IL20RA: variants seen among roughly 807,000 people sequenced by gnomAD.
IL20RA encodes interleukin-20 receptor subunit alpha.
Under a neutral mutation model 36.5 loss-of-function variants are expected in IL20RA, and 29 were observed. That is an observed-to-expected ratio of 0.79 (90% CI 0.59 to 1.08). The LOEUF is 1.08. IL20RA is among the 50% of genes least tolerant of loss of function. The pLI is 0.00. For synonymous variants in IL20RA, 279 were observed against 267.1 expected (o/e 1.04, Z -0.43); for missense variants, 652 against 668.4 (o/e 0.98, Z 0.27).
intron 1 of IL20RA, among the ~76,000 whole-genome samples, chr6:137,029,092 G>A (rs1776187963): frequency 6.6e-6 from 1 of 152,200 alleles, no homozygotes; most frequent in Non-Finnish European, 1.5e-5. Flanking sequence ...AGATTTTTGT[G>A]TGTAGCCTCC....
At chr6:137,038,722 AT>A (rs200435252) in intron 1 of IL20RA, among the ~76,000 whole-genome samples, 211 of 152,138 alleles carry the variant, frequency 1.4e-3, no homozygotes, top group African/African-American at 4.7e-3. Flanking sequence ...TCAGATGATC[AT>A]TTTTTTTAAA....
In IL20RA at chr6:137,009,457, C is replaced by T. The variant is rs1323178633; in HGVS notation, c.439G>A (p.Asp147Asn). ...IGPPEVALTTDEKSISVVLTA... is the reference protein window; with the variant it reads ...IGPPEVALTTNEKSISVVLTA... ...AGGACAACAGAAATGGACTTCTCAT[C>T]TGTAGTCAGTGCCACCTCTGGTGGG... Residue 147 changes from aspartate to asparagine, a missense_variant, in exon 4 of 7, where the codon GAT becomes AAT. By Grantham distance (23) the Asp-to-Asn change is conservative. Coordinates refer to ENST00000316649, the MANE Select transcript of IL20RA (RefSeq NM_014432.4). The T allele has an allele frequency of 6.2e-7, 1 of 1,613,182 alleles. No individual in the cohort carries two copies. Among genetic ancestry groups the T allele is most frequent in the Admixed American group, 1.7e-5 (1 of 60,016 alleles).
chr6:137,039,322 G>T (rs374077672), intron 1 of IL20RA, among the ~76,000 whole-genome samples: 62 of 152,284 alleles, frequency 4.1e-4, no homozygotes, highest in African/African-American at 1.4e-3. Flanking sequence ...TGGATGTTGG[G>T]TACATGATAC....
chr6:137,001,666 T>G lies in IL20RA; in HGVS notation c.1554A>C (p.Leu518=), dbSNP rs199704533. 13 of 1,614,044 alleles carry G rather than the reference T, an allele frequency of 8.1e-6. No individual in the cohort carries two copies. The highest frequency in any genetic ancestry group is 1.1e-5 in the South Asian group (1 of 91,062). Residue 518 remains leucine (L), a synonymous_variant, in exon 7 of 7, where the codon CTA becomes CTC. Coordinates refer to ENST00000316649, the MANE Select transcript of IL20RA (RefSeq NM_014432.4). ...EGDGLGEEGL[L]SRLYEEPAPD... ...GAGCCGGCTCCTCATAGAGTCTAGA[T>G]AGAAGACCCTCCTCTCCGAGCCCAT...
At position 137,044,655 on chromosome 6, in the gene IL20RA, G is replaced by T; in HGVS notation, c.74C>A (p.Pro25His). The T allele has an allele frequency of 1.6e-6, 2 of 1,223,938 alleles. No homozygotes were observed. Among genetic ancestry groups the T allele is most frequent in the South Asian group, 8.2e-5 (2 of 24,396 alleles). The allele number at this position is 1,223,938 out of a possible 1,614,324, so 75.8% of individuals were successfully genotyped here. A position where few individuals can be genotyped will look rare whatever the true frequency, so the allele number is the denominator to read the frequency against. Residue 25 changes from proline (P) to histidine (H), a missense_variant, in exon 1 of 7, where the codon CCT (proline) becomes CAT (histidine). Pro to His is a moderately conservative substitution (Grantham distance 77). Coordinates refer to ENST00000316649, the MANE Select transcript of IL20RA (RefSeq NM_014432.4). The part of the protein sequence containing the change: ...PPLLLLLLAA[P>H]WGRAVPCVSG... ...GACCCACCTACCTGCCCGTCCCCAA[G>T]GCGCCGCCAGGAGCAACAGCAGCAG...
At chr6:137,018,961 C>T (rs927621508) in intron 1 of IL20RA, among the ~76,000 whole-genome samples, 3 of 151,992 alleles carry the variant, frequency 2.0e-5, no homozygotes, top group Non-Finnish European at 4.4e-5. Flanking sequence ...AAGACATTGT[C>T]AAAACATGGC....
At chr6:137,005,853 C>T (rs1015150665) in intron 5 of IL20RA, among the ~76,000 whole-genome samples, 1 of 152,140 alleles carries the variant, frequency 6.6e-6, no homozygotes, top group Non-Finnish European at 1.5e-5. Context: ...TCAACTCTTC[C>T]GTGGGTCTCC....
intron 1 of IL20RA, chr6:137,044,060 A>G (rs374678586): frequency 1.0e-6 from 1 of 971,224 alleles, no homozygotes; most frequent in African/African-American, 1.8e-5. Flanking sequence ...TGCAAAGGAA[A>G]CAACGGCGTA....
At chr6:137,002,560 C>T (rs1326005466) in intron 6 of IL20RA, among the ~76,000 whole-genome samples, 2 of 152,182 alleles carry the variant, frequency 1.3e-5, no homozygotes, top group African/African-American at 2.4e-5. Flanking sequence ...TAGTTGGAAG[C>T]GAGAAGTGAT....
chr6:137,029,739 G>T (rs1007093924), intron 1 of IL20RA, among the ~76,000 whole-genome samples: 11 of 152,066 alleles, frequency 7.2e-5, no homozygotes, highest in Non-Finnish European at 1.5e-4. Flanking sequence ...GTACTGAAAA[G>T]AATAGCTGTT....
At chr6:137,032,524 A>G (rs276505) in intron 1 of IL20RA, among the ~76,000 whole-genome samples, 152,155 of 152,304 alleles carry the variant, frequency 1, 76,004 homozygotes, top group East Asian at 1. Flanking sequence ...TTCTTTCCAC[A>G]TGGCCCTGAG....
At chr6:137,014,707 C>T in intron 2 of IL20RA, among the ~76,000 whole-genome samples, 1 of 152,100 alleles carries the variant, frequency 6.6e-6, no homozygotes, top group East Asian at 1.9e-4. Flanking sequence ...AGTTCCCCCC[C>T]CCTTTTCCAC....
chr6:137,008,727 G>A lies in IL20RA; in HGVS notation c.596C>T (p.Thr199Ile), dbSNP rs749477911. 6.2e-7 allele frequency: 1 copy of A among 1,601,424 alleles called. No homozygotes were observed. The highest frequency in any genetic ancestry group is 2.3e-5 in the East Asian group (1 of 44,348). ...CCAGGTGAGCACCAGCGTGTGGTTG[G>A]TCACACACTGGGACCACTAGGATAG... ...KSNRTWSQCV[T>I]NHTLVLTWLE... is the part of the protein sequence containing the mutation. The change falls in exon 5 of 7, where the codon ACC (threonine) becomes ATC (isoleucine). Residue 199 changes from threonine (T) to isoleucine (I), a missense_variant. By Grantham distance (89) the Thr-to-Ile change is moderately conservative. Coordinates refer to ENST00000316649, the MANE Select transcript of IL20RA (RefSeq NM_014432.4).
At chr6:137,013,245 TG>T (rs774240501) in intron 2 of IL20RA, among the ~76,000 whole-genome samples, 3 of 152,222 alleles carry the variant, frequency 2.0e-5, no homozygotes, top group Non-Finnish European at 4.4e-5. Flanking sequence ...CCATTGCCTA[TG>T]TGGCCCCTCC....
chr6:137,029,468 C>T (rs1657876244), intron 1 of IL20RA, among the ~76,000 whole-genome samples: 1 of 152,212 alleles, frequency 6.6e-6, no homozygotes, highest in South Asian at 2.1e-4. Context: ...GATCGCTCCA[C>T]TGCACTTCTG....
At chr6:137,009,186 G>T in intron 4 of IL20RA, 131 bp downstream of exon 4, 1 of 812,116 alleles carries the variant, frequency 1.2e-6, no homozygotes, top group Non-Finnish European at 2.2e-6. Flanking sequence ...ACTTTATTTT[G>T]TGCGGCGTAT....
At chr6:137,037,108 G>A (rs754509554) in intron 1 of IL20RA, among the ~76,000 whole-genome samples, 8 of 152,104 alleles carry the variant, frequency 5.3e-5, no homozygotes, top group African/African-American at 7.2e-5. Flanking sequence ...GAGAAGAAGC[G>A]GGGTGAAAAG....
chr6:137,011,074 G>GTCAA (rs1321977282), intron 3 of IL20RA, among the ~76,000 whole-genome samples, 200 bp downstream of exon 3: 1 of 151,974 alleles, frequency 6.6e-6, no homozygotes, highest in Non-Finnish European at 1.5e-5. Flanking sequence ...TGTCTCTACA[G>GTCAA]TCAATCAATC....
chr6:137,014,709 C>A (rs1022692934), intron 2 of IL20RA, among the ~76,000 whole-genome samples: 1 of 152,044 alleles, frequency 6.6e-6, no homozygotes, highest in African/African-American at 2.4e-5. Flanking sequence ...TTCCCCCCCC[C>A]TTTTCCACCT....
Sources: gnomAD v4.1 joint callset for allele counts (sites outside exome capture counted in the v4.1 genomes callset) on GRCh38, gnomAD v4.1.1 for gene constraint, MANE v1.5 for transcripts, NCBI Gene and HGNC (gene_info 2026-07-23, HGNC 2026-07-21) for gene names.